SNF8: variants seen among roughly 807,000 people sequenced by gnomAD.
SNF8 encodes vacuolar-sorting protein SNF8.
In SNF8, 19 loss-of-function variants were observed where a neutral mutation model predicts 36.8. The observed-to-expected ratio is 0.52, with a 90% CI of 0.36 to 0.76. The LOEUF (loss-of-function observed/expected upper bound fraction) is 0.76. SNF8 is among the 30% of genes least tolerant of loss of function. The pLI, the probability that SNF8 is intolerant of heterozygous loss-of-function variation, is 0.00. For missense variants in SNF8, 268 were observed against 322.9 expected, an observed-to-expected ratio of 0.83 and a Z score of 1.30; for synonymous variants, 127 against 127.4, an observed-to-expected ratio of 1.00 and a Z score of 0.02.
At chr17:48,939,508 G>A (rs977535689) in intron 3 of SNF8, among the ~76,000 whole-genome samples, 1 of 141,886 alleles carries the variant, frequency 7.0e-6, no homozygotes, top group Non-Finnish European at 1.5e-5. Context: ...TGCCTGGGCT[G>A]TTGTGCAGGG....
intron 3 of SNF8, among the ~76,000 whole-genome samples, chr17:48,939,770 TAA>T (rs2040993172): frequency 6.6e-6 from 1 of 151,910 alleles, no homozygotes; most frequent in South Asian, 2.1e-4. Flanking sequence ...TAATTTTTTT[TAA>T]AGTTTATAAG....
At chr17:48,935,376 G>A (rs576194892) in intron 5 of SNF8, among the ~76,000 whole-genome samples, 1 of 152,198 alleles carries the variant, frequency 6.6e-6, no homozygotes, top group East Asian at 1.9e-4. Flanking sequence ...AGCCGGGCGT[G>A]GTGGCGGGCG....
chr17:48,935,831 G>A (rs2040926104), intron 5 of SNF8: 1 of 186,182 alleles, frequency 5.4e-6, no homozygotes, highest in South Asian at 1.6e-4. Context: ...TATATTTTCT[G>A]TTTTCTAAAA....
intron 2 of SNF8, among the ~76,000 whole-genome samples, chr17:48,941,753 C>T (rs951061776): frequency 2.0e-5 from 3 of 151,872 alleles, no homozygotes; most frequent in Non-Finnish European, 4.4e-5. Context: ...TGCACTGGCA[C>T]AATCTCAGCT....
intron 6 of SNF8, 126 bp downstream of exon 6, chr17:48,933,079 G>A (rs1446446957): frequency 1.3e-5 from 13 of 971,532 alleles, no homozygotes; most frequent in African/African-American, 3.2e-5. Context: ...ACAGGCCTGA[G>A]TAGTTCATCC....
chr17:48,931,608 G>A (rs2040860129), intron 7 of SNF8, 35 bp downstream of exon 7: 6 of 1,571,470 alleles, frequency 3.8e-6, no homozygotes, highest in Non-Finnish European at 4.3e-6. Context: ...ACTGGGGCCT[G>A]CCTGTCTTTT....
At chr17:48,940,896 C>T (rs748521115) in intron 3 of SNF8, 28 bp downstream of exon 3, 71 of 1,608,494 alleles carry the variant, frequency 4.4e-5, no homozygotes, top group South Asian at 2.0e-4. Flanking sequence ...TCTATAAGAA[C>T]GCTGGACCCC....
chr17:48,939,030 G>A (rs943824007), intron 3 of SNF8, among the ~76,000 whole-genome samples: 42 of 151,712 alleles, frequency 2.8e-4, no homozygotes, highest in African/African-American at 5.6e-4. Context: ...AGGCCGAGGC[G>A]GGTGGATCAC....
intron 3 of SNF8, among the ~76,000 whole-genome samples, chr17:48,937,795 G>A (rs562144663): frequency 9.9e-5 from 15 of 151,980 alleles, no homozygotes; most frequent in Middle Eastern, 3.4e-3. Context: ...GCGTGGTGGC[G>A]CGTGCCTGTA....
At chr17:48,944,156 GC>G (rs1265455871) in intron 1 of SNF8, 181 bp from the exon 2 acceptor site, 1 of 536,136 alleles carries the variant, frequency 1.9e-6, no homozygotes, top group Non-Finnish European at 3.3e-6. Flanking sequence ...CAAAAAAATA[GC>G]CGGACGTGGT....
chr17:48,937,026 T>C lies in SNF8; in HGVS notation c.343A>G (p.Asn115Asp). The stretch of plus-strand genomic sequence containing the variant: ...AGGACCTAGCCACCCTCACCTCCAT[T>C]CCGATGCTTCAGCGCCAGGCACACT... ...IEVCLALKHR[N>D]GGLITLEELH... Residue 115 changes from asparagine (N) to aspartate (D), a missense_variant, in exon 4 of 8, where the codon AAT becomes GAT. By Grantham distance (23) the Asn-to-Asp change is conservative. Coordinates refer to ENST00000502492, the MANE Select transcript of SNF8 (RefSeq NM_007241.4). The C allele has an allele frequency of 6.2e-7, 1 of 1,613,008 alleles. No individual in the cohort carries two copies. The highest frequency in any genetic ancestry group is 8.5e-7 in the Non-Finnish European group (1 of 1,179,026).
rs192042321 is a variant in SNF8, at chr17:48,938,981, G to A, written c.245-1857C>T. On this transcript the variant is annotated intron_variant, in intron 3 of 7. Coordinates refer to ENST00000502492, the MANE Select transcript of SNF8 (RefSeq NM_007241.4). ...GAGATAAAATCAGTCATCTGTAGCCGGGCGCGGTAGCTCACACCTGTAATC... is the reference window on the plus strand; with the variant it reads ...GAGATAAAATCAGTCATCTGTAGCCAGGCGCGGTAGCTCACACCTGTAATC... Among the ~76,000 whole-genome samples, 278 of 151,286 alleles carry A rather than the reference G, an allele frequency of 1.8e-3. 3 individuals are homozygous for A. The highest frequency in any genetic ancestry group is 0.016 in the Admixed American group (241 of 15,202).
Position 48,930,146 on chromosome 17 carries a change from A to T in SNF8, c.*329T>A, listed in dbSNP as rs2040835537. 1 of 187,840 alleles carries T rather than the reference A, an allele frequency of 5.3e-6. No homozygotes were observed. The highest frequency in any genetic ancestry group is 1.1e-5 in the Non-Finnish European group (1 of 91,098). 11.6% of individuals were successfully genotyped at this position (187,840 alleles called of 1,614,324 possible). On this transcript the variant is annotated 3_prime_UTR_variant, in exon 8 of 8. Coordinates refer to ENST00000502492, the MANE Select transcript of SNF8 (RefSeq NM_007241.4). ...AAAGGTTTGAATTAGCATAGGCTGT[A>T]ATCTATGTCTCACAGCTACAAAGAC...
At chr17:48,939,776 TTATAAG>T (rs1401176772) in intron 3 of SNF8, among the ~76,000 whole-genome samples, 1 of 151,548 alleles carries the variant, frequency 6.6e-6, no homozygotes, top group Non-Finnish European at 1.5e-5. Flanking sequence ...TTTTTAAAGT[TTATAAG>T]TATGAGGAAG....
intron 2 of SNF8, among the ~76,000 whole-genome samples, chr17:48,943,374 G>T (rs1475302756): frequency 6.6e-6 from 1 of 152,172 alleles, no homozygotes; most frequent in Non-Finnish European, 1.5e-5. Flanking sequence ...ACTCTGGGAA[G>T]CCAAGGTGGG....
chr17:48,942,311 T>C (rs1032153391), intron 2 of SNF8, among the ~76,000 whole-genome samples: 1 of 147,246 alleles, frequency 6.8e-6, no homozygotes, highest in African/African-American at 2.6e-5. Context: ...CACTCCAGCC[T>C]GGGCAACAAG....
intron 3 of SNF8, among the ~76,000 whole-genome samples, chr17:48,937,627 T>C (rs1229268931): frequency 3.2e-5 from 3 of 93,336 alleles, no homozygotes; most frequent in Non-Finnish European, 8.0e-5. Context: ...CACAACTCTC[T>C]CTCAAAAAAA....
At chr17:48,930,838 A>G (rs138608265) in intron 7 of SNF8, among the ~76,000 whole-genome samples, 1 of 152,350 alleles carries the variant, frequency 6.6e-6, no homozygotes, top group East Asian at 1.9e-4. Context: ...GCTGGGGAAG[A>G]GGGGTAAAGC....
At position 48,937,087 on chromosome 17, in the gene SNF8, C is replaced by T. The variant is rs2040946033; in HGVS notation, c.282G>A (p.Gly94=). 1 of 1,614,160 alleles carries T rather than the reference C, an allele frequency of 6.2e-7. No individual in the cohort carries two copies. ...GGACACCTAGTTCGTAATAGAAGTC[C>T]CCCACGCCCAGCATCTCAGACCAAA... ...KGFWSEMLGV[G]DFYYELGVQI... is the part of the protein sequence containing the mutation. Residue 94 remains glycine, a synonymous_variant, in exon 4 of 8, where the codon GGG becomes GGA. Coordinates refer to ENST00000502492, the MANE Select transcript of SNF8 (RefSeq NM_007241.4).
Sources: gnomAD v4.1 joint callset for allele counts (sites outside exome capture counted in the v4.1 genomes callset) on GRCh38, gnomAD v4.1.1 for gene constraint, MANE v1.5 for transcripts, NCBI Gene and HGNC (gene_info 2026-07-23, HGNC 2026-07-21) for gene names.